Variants in EGLN1 observed in about 807,000 individuals in gnomAD.
EGLN1 encodes the protein egl-9 family hypoxia inducible factor 1, also known as egl nine homolog 1.
A neutral mutation model predicts 38.3 loss-of-function variants in EGLN1; 17 were observed. The ratio of observed to expected loss-of-function variants is 0.44; its 90% CI spans 0.30 to 0.67. EGLN1 has a LOEUF of 0.67. Among genes scored for constraint, EGLN1 ranks in the 30% least tolerant of loss-of-function variants. The pLI, the probability that EGLN1 is intolerant of heterozygous loss-of-function variation, is 0.08. For synonymous variants in EGLN1, 283 were observed against 257.5 expected, an observed-to-expected ratio of 1.10 and a Z score of -0.95; for missense variants, 477 against 603.3, an observed-to-expected ratio of 0.79 and a Z score of 2.19.
At chr1:231,393,129 A>C (rs1688436247) in intron 1 of EGLN1, among the ~76,000 whole-genome samples, 1 of 152,044 alleles carries the variant, frequency 6.6e-6, no homozygotes, top group Middle Eastern at 3.2e-3. Flanking sequence ...TTGTCATATC[A>C]GGGAGCTTAC....
intron 2 of EGLN1, among the ~76,000 whole-genome samples, chr1:231,371,881 G>C (rs1687832819): frequency 6.6e-6 from 1 of 152,156 alleles, no homozygotes; most frequent in Admixed American, 6.5e-5. Flanking sequence ...AGAATCTATA[G>C]TTAAAGAAAA....
chr1:231,421,572 TC>T lies in EGLN1; in HGVS notation c.316del (p.Asp106ThrfsTer7). The T allele has an allele frequency of 7.6e-7, 1 of 1,308,640 alleles. No homozygotes were observed. The highest frequency in any genetic ancestry group is 9.7e-7 in the Non-Finnish European group (1 of 1,036,184). 81.1% of individuals were successfully genotyped at this position (1,308,640 alleles called of 1,614,324 possible). A position where few individuals can be genotyped will look rare whatever the true frequency, so the allele number is the denominator to read the frequency against. ...GGCCTTTACTTTTCCCTTGGCCGCGTCCCCGGAGGCGTTGTCCCGGCGCGCC... is the reference window on the plus strand; with the variant it reads ...GGCCTTTACTTTTCCCTTGGCCGCGTCCCGGAGGCGTTGTCCCGGCGCGCC... ...AAARRDNASGDAAKGKVKAKP... is the reference protein window; with the variant it reads ...AAARRDNASGXAAKGKVKAKP... On this transcript the variant is annotated frameshift_variant, in exon 1 of 5. Coordinates refer to ENST00000366641, the MANE Select transcript of EGLN1 (RefSeq NM_022051.3). LOFTEE classifies it high-confidence loss of function. The surrounding 1 kb of genome is among the most constrained non-coding windows in gnomAD (Gnocchi z 5.5).
At chr1:231,418,768 G>T (rs1307570590) in intron 1 of EGLN1, among the ~76,000 whole-genome samples, 4 of 151,830 alleles carry the variant, frequency 2.6e-5, no homozygotes, top group Non-Finnish European at 5.9e-5. Context: ...AAGCTGAGAT[G>T]GCAGGATAGC....
At chr1:231,382,370 G>A (rs1688097775) in intron 1 of EGLN1, among the ~76,000 whole-genome samples, 1 of 152,034 alleles carries the variant, frequency 6.6e-6, no homozygotes, top group Non-Finnish European at 1.5e-5. Flanking sequence ...GCAAGCCCAA[G>A]ACTGGATATA....
chr1:231,369,369 A>G (rs1687754192), intron 3 of EGLN1, among the ~76,000 whole-genome samples: 2 of 152,198 alleles, frequency 1.3e-5, no homozygotes, highest in African/African-American at 4.8e-5. Context: ...TCATCTAAAA[A>G]GGACGTAACC....
chr1:231,414,937 G>C (rs1689037997), intron 1 of EGLN1, among the ~76,000 whole-genome samples: 1 of 151,778 alleles, frequency 6.6e-6, no homozygotes, highest in Non-Finnish European at 1.5e-5. Flanking sequence ...GTTTCACCAC[G>C]TTGCCCCCTG....
chr1:231,422,020 G>A lies in EGLN1; in HGVS notation c.-132C>T. On this transcript the variant is annotated 5_prime_UTR_variant, in exon 1 of 5. Coordinates refer to ENST00000366641, the MANE Select transcript of EGLN1 (RefSeq NM_022051.3). ...ACTGCGCCATGCACCCGCTACCCTCGCCTCAGGGAGGCCGGCACCCCACGC... is the reference window on the plus strand; with the variant it reads ...ACTGCGCCATGCACCCGCTACCCTCACCTCAGGGAGGCCGGCACCCCACGC... The A allele has an allele frequency of 3.0e-6, 3 of 1,010,168 alleles. No individual in the cohort carries two copies. The highest frequency in any genetic ancestry group is 3.9e-6 in the Non-Finnish European group (3 of 770,840). The allele number at this position is 1,010,168 out of a possible 1,614,324, so 62.6% of individuals were successfully genotyped here.
Position 231,365,770 on chromosome 1 carries a change from AAGC to A in EGLN1, c.*638_*640del, listed in dbSNP as rs922964779. 7 of 152,630 alleles carry A rather than the reference AAGC, an allele frequency of 4.6e-5. No individual in the cohort carries two copies. The highest frequency in any genetic ancestry group is 2.1e-4 in the South Asian group (1 of 4,836). The allele number at this position is 152,630 out of a possible 1,614,324, so 9.5% of individuals were successfully genotyped here. A position where few individuals can be genotyped will look rare whatever the true frequency, so the allele number is the denominator to read the frequency against. ...TTCGTTATTGACAATGTCAAAAAAA[AAGC>A]AGCAATCTTTAACAGTTCAAATTAG... On this transcript the variant is annotated 3_prime_UTR_variant, in exon 5 of 5. Coordinates refer to ENST00000366641, the MANE Select transcript of EGLN1 (RefSeq NM_022051.3).
At chr1:231,405,468 T>C (rs1039126761) in intron 1 of EGLN1, among the ~76,000 whole-genome samples, 11 of 152,262 alleles carry the variant, frequency 7.2e-5, no homozygotes, top group East Asian at 3.9e-4. Flanking sequence ...TGAGCCACCA[T>C]GCCCAGCCAA....
At chr1:231,372,399 T>C (rs6676401) in intron 2 of EGLN1, among the ~76,000 whole-genome samples, 4,888 of 152,300 alleles carry the variant, frequency 0.032, 265 homozygotes, top group African/African-American at 0.11. Flanking sequence ...GCCTATGTCC[T>C]AATTTAAAAC....
intron 1 of EGLN1, among the ~76,000 whole-genome samples, chr1:231,411,202 T>C (rs1273289539): frequency 6.6e-6 from 1 of 152,170 alleles, no homozygotes; most frequent in Non-Finnish European, 1.5e-5. Flanking sequence ...TCCCTCATGC[T>C]GTTCTCATGA....
At chr1:231,382,799 G>A (rs368555970) in intron 1 of EGLN1, among the ~76,000 whole-genome samples, 1 of 151,924 alleles carries the variant, frequency 6.6e-6, no homozygotes. Flanking sequence ...GGCTCAAGCC[G>A]GTAATCCCAG....
In EGLN1 at chr1:231,421,395, G is replaced by A. The variant is rs780171999; in HGVS notation, c.494C>T (p.Pro165Leu). The A allele has an allele frequency of 1.9e-6, 3 of 1,603,486 alleles. No homozygotes were observed. The highest frequency in any genetic ancestry group is 2.6e-6 in the Non-Finnish European group (3 of 1,174,116). Residue 165 changes from proline (P) to leucine (L), a missense_variant, in exon 1 of 5, where the codon CCA becomes CTA. By Grantham distance (98) the Pro-to-Leu change is moderately conservative. Coordinates refer to ENST00000366641, the MANE Select transcript of EGLN1 (RefSeq NM_022051.3). The surrounding 1 kb of genome is among the most constrained non-coding windows in gnomAD (Gnocchi z 5.5). ...LFQEKANLYP[P>L]SNTPGDALSP... Reference sequence around the variant, plus strand: ...CAGCGCATCCCCGGGCGTGTTGCTTGGGGGGTACAGGTTCGCCTTCTCCTG... The same window carrying A: ...CAGCGCATCCCCGGGCGTGTTGCTTAGGGGGTACAGGTTCGCCTTCTCCTG...
At chr1:231,402,015 G>C (rs112605241) in intron 1 of EGLN1, among the ~76,000 whole-genome samples, 1 of 152,144 alleles carries the variant, frequency 6.6e-6, no homozygotes, top group Non-Finnish European at 1.5e-5. Flanking sequence ...TCTAGTGTAT[G>C]TATAGTGGCA....
At chr1:231,412,828 A>C (rs1688988116) in intron 1 of EGLN1, among the ~76,000 whole-genome samples, 1 of 152,198 alleles carries the variant, frequency 6.6e-6, no homozygotes, top group Non-Finnish European at 1.5e-5. Flanking sequence ...AGAGAAGAAA[A>C]GCAGAAGACT....
intron 1 of EGLN1, among the ~76,000 whole-genome samples, chr1:231,416,491 C>T (rs542538037): frequency 1.1e-4 from 16 of 148,268 alleles, no homozygotes; most frequent in African/African-American, 4.0e-4. Flanking sequence ...CTCAAGCAAT[C>T]ATCCCACCTG....
intron 1 of EGLN1, among the ~76,000 whole-genome samples, chr1:231,381,613 A>G (rs557171785): frequency 2.0e-5 from 3 of 152,348 alleles, no homozygotes; most frequent in African/African-American, 7.2e-5. Context: ...TCCCGACAGT[A>G]TAATCTAGAG....
chr1:231,418,480 A>G (rs1656418864), intron 1 of EGLN1, among the ~76,000 whole-genome samples: 1 of 152,222 alleles, frequency 6.6e-6, no homozygotes, highest in Non-Finnish European at 1.5e-5. Context: ...AACACCAGCC[A>G]GGGTTATAGT....
chr1:231,374,144 A>G (rs753779389), intron 1 of EGLN1, 45 bp from the exon 2 acceptor site: 15 of 1,576,782 alleles, frequency 9.5e-6, no homozygotes, highest in Non-Finnish European at 1.3e-5. Context: ...TGTATAAATA[A>G]AAAGAGAGAA....
Sources: allele counts gnomAD v4.1 joint callset (sites outside exome capture counted in the v4.1 genomes callset), GRCh38; gene constraint gnomAD v4.1.1; non-coding constraint Gnocchi (gnomAD v3.1); transcripts MANE v1.5; gene names NCBI Gene and HGNC (gene_info 2026-07-23, HGNC 2026-07-21).